Variants in COP1 observed in about 807,000 individuals in gnomAD.
COP1 encodes COP1 E3 ubiquitin ligase.
In COP1, 24 loss-of-function variants were observed where a neutral mutation model predicts 101.3. The ratio of observed to expected loss-of-function variants is 0.24; its 90% CI spans 0.17 to 0.33. The LOEUF (loss-of-function observed/expected upper bound fraction) is 0.33. COP1 is among the 10% of genes least tolerant of loss of function. The pLI is 1.00. For missense variants in COP1, 663 were observed against 906.2 expected, an observed-to-expected ratio of 0.73 and a Z score of 3.45; for synonymous variants, 347 against 341.9, an observed-to-expected ratio of 1.01 and a Z score of -0.17.
chr1:176,075,374 T>C (rs931559711), intron 11 of COP1, among the ~76,000 whole-genome samples: 1 of 152,248 alleles, frequency 6.6e-6, no homozygotes. Context: ...ATTCAAATCT[T>C]AGTCCTGTAA....
intron 1 of COP1, among the ~76,000 whole-genome samples, chr1:176,202,185 CTTTTTTT>C (rs11367274): frequency 2.1e-5 from 2 of 96,390 alleles, no homozygotes; most frequent in Admixed American, 1.2e-4. Flanking sequence ...TTCTAGTTCA[CTTTTTTT>C]TTTTTTTTTT....
chr1:176,133,330 A>G (rs910117008), intron 8 of COP1, among the ~76,000 whole-genome samples: 2 of 151,836 alleles, frequency 1.3e-5, no homozygotes, highest in Non-Finnish European at 2.9e-5. Flanking sequence ...CCATTACTGA[A>G]TATCAGTCAT....
At chr1:176,093,552 A>C (rs1681738841) in intron 9 of COP1, among the ~76,000 whole-genome samples, 1 of 152,034 alleles carries the variant, frequency 6.6e-6, no homozygotes, top group South Asian at 2.1e-4. Context: ...AAATATAAAA[A>C]TTAGTGGCCA....
At chr1:176,066,677 T>C (rs1449896020) in intron 11 of COP1, among the ~76,000 whole-genome samples, 3 of 152,194 alleles carry the variant, frequency 2.0e-5, no homozygotes, top group African/African-American at 7.2e-5. Context: ...TGCAGGTCAA[T>C]CACCAAGATG....
At chr1:176,100,934 CG>C (rs1370306096) in intron 9 of COP1, among the ~76,000 whole-genome samples, 1 of 151,974 alleles carries the variant, frequency 6.6e-6, no homozygotes. Context: ...GAAAGAAAAC[CG>C]GATCTGATGG....
chr1:176,122,663 A>T (rs2149644803), intron 8 of COP1, among the ~76,000 whole-genome samples: 1 of 152,326 alleles, frequency 6.6e-6, no homozygotes, highest in Admixed American at 6.5e-5. Flanking sequence ...GGTTACAAAA[A>T]GTAACAGTTA....
chr1:175,974,569 T>C lies in COP1; in HGVS notation c.2133+12374A>G, dbSNP rs191156555. On this transcript the variant is annotated intron_variant, in intron 18 of 19. Transcript: ENST00000367669. The stretch of plus-strand genomic sequence containing the variant: ...TGAAATAAAATAACAATGATTAATA[T>C]GGTTAAAGGGGTTGATGGAAAAGAT... Among the ~76,000 whole-genome samples the C allele has an allele frequency of 4.3e-4, 65 of 152,222 alleles. No homozygotes were observed. The East Asian group carries it at 9.5e-3, about 22-fold the overall frequency.
At chr1:175,998,139 T>G (rs1342700464) in intron 15 of COP1, among the ~76,000 whole-genome samples, 1 of 136,562 alleles carries the variant, frequency 7.3e-6, no homozygotes, top group Non-Finnish European at 1.5e-5. Flanking sequence ...CCATAAAAAA[T>G]GATGAGTTCA....
intron 9 of COP1, among the ~76,000 whole-genome samples, chr1:176,091,857 T>G (rs2502830): frequency 0.75 from 114,656 of 152,018 alleles, 45,070 homozygotes; most frequent in East Asian, 0.92. Context: ...AATAGTGACA[T>G]AATAGATTTA....
intron 6 of COP1, among the ~76,000 whole-genome samples, chr1:176,136,960 C>A (rs1689902926): frequency 6.6e-6 from 1 of 151,906 alleles, no homozygotes; most frequent in South Asian, 2.1e-4. Context: ...GTTGCCCAGG[C>A]TGGTCTCCAA....
At chr1:175,986,271 G>A (rs960100475) in intron 18 of COP1, among the ~76,000 whole-genome samples, 32 of 151,916 alleles carry the variant, frequency 2.1e-4, no homozygotes, top group Non-Finnish European at 2.4e-4. Flanking sequence ...TGCCCGCCTC[G>A]GCCTCCCAAA....
intron 14 of COP1, among the ~76,000 whole-genome samples, chr1:176,035,584 A>T (rs1438020923): frequency 6.6e-6 from 1 of 152,008 alleles, no homozygotes; most frequent in Non-Finnish European, 1.5e-5. Flanking sequence ...TCCCAAATAC[A>T]TTTATGCCCT....
At chr1:176,118,772 A>ACAAAC in intron 8 of COP1, among the ~76,000 whole-genome samples, 1 of 152,294 alleles carries the variant, frequency 6.6e-6, no homozygotes, top group South Asian at 2.1e-4. Context: ...AAACAAACAA[A>ACAAAC]AAAACAAAAA....
intron 15 of COP1, among the ~76,000 whole-genome samples, chr1:175,992,776 A>C (rs1424151565): frequency 6.6e-6 from 1 of 152,220 alleles, no homozygotes; most frequent in Non-Finnish European, 1.5e-5. Context: ...ACCACAGCTC[A>C]AGGAGGCCTG....
chr1:176,046,181 C>A lies in COP1; in HGVS notation c.1421G>T (p.Ser474Ile). Residue 474 changes from serine to isoleucine, a missense_variant and splice_region_variant, in exon 12 of 20, where the codon AGC (serine) becomes ATC (isoleucine). This residue lies in a region of COP1 where 209 missense variants were observed against 383.3 expected (regional missense o/e 0.55). Transcript: ENST00000367669. The stretch of plus-strand genomic sequence containing the variant: ...CATGTCAAGAAAATAATGTAAATAC[C>A]TGATTTTCGAATTGCAGGTCATTTC... ...ENEMTCNSKISCISWSSYHKN... is the reference protein window; with the variant it reads ...ENEMTCNSKIICISWSSYHKN... The A allele has an allele frequency of 6.3e-7, 1 of 1,596,568 alleles. No individual in the cohort carries two copies. Among genetic ancestry groups the A allele is most frequent in the Non-Finnish European group, 8.5e-7 (1 of 1,173,684 alleles).
intron 5 of COP1, among the ~76,000 whole-genome samples, chr1:176,152,348 A>G (rs537173246): frequency 6.6e-5 from 10 of 152,296 alleles, no homozygotes; most frequent in African/African-American, 9.6e-5. Flanking sequence ...TGGAAAATTG[A>G]TATCAGGGAC....
At chr1:176,121,979 A>C (rs1687194834) in intron 8 of COP1, among the ~76,000 whole-genome samples, 1 of 152,036 alleles carries the variant, frequency 6.6e-6, no homozygotes, top group Non-Finnish European at 1.5e-5. Context: ...TCTCTACTAA[A>C]AATACAAAAA....
intron 15 of COP1, among the ~76,000 whole-genome samples, chr1:176,019,303 A>C (rs1055167596): frequency 6.6e-6 from 1 of 151,462 alleles, no homozygotes; most frequent in African/African-American, 2.4e-5. Context: ...TCTCTACTAA[A>C]AATACAAAAA....
At chr1:175,968,613 A>AT in intron 18 of COP1, 1 of 425,468 alleles carries the variant, frequency 2.4e-6, no homozygotes, top group Non-Finnish European at 4.7e-6. Flanking sequence ...ACTGCATCAA[A>AT]TTCTCATTTA....
Sources: allele counts gnomAD v4.1 joint callset (sites outside exome capture counted in the v4.1 genomes callset), GRCh38; gene constraint gnomAD v4.1.1; regional missense constraint gnomAD v4.1.1; transcripts MANE v1.5; gene names NCBI Gene and HGNC (gene_info 2026-07-23, HGNC 2026-07-21).